The following GALNTL6 variants were observed in gnomAD, a reference collection of about 807,000 sequenced individuals.
The protein encoded by GALNTL6 is polypeptide N-acetylgalactosaminyltransferase like 6.
In GALNTL6, 46 loss-of-function variants were observed where a neutral mutation model predicts 73.7. That is an observed-to-expected ratio of 0.62 (90% confidence interval 0.49 to 0.80). The LOEUF is 0.80. Ranked by LOEUF, GALNTL6 falls within the 30% of genes least tolerant of loss-of-function variation. The pLI is 0.00. For missense variants in GALNTL6, 604 were observed against 755.0 expected (o/e 0.80, Z 2.34); for synonymous variants, 259 against 263.7 (o/e 0.98, Z 0.17).
chr4:172,122,710 C>A (rs1733185878), intron 2 of GALNTL6, among the ~76,000 whole-genome samples: 1 of 152,182 alleles, frequency 6.6e-6, no homozygotes, highest in African/African-American at 2.4e-5. Flanking sequence ...TCAGAAGAGC[C>A]CAGCCACAAG....
intron 2 of GALNTL6, among the ~76,000 whole-genome samples, chr4:172,213,226 T>A (rs1329930714): frequency 6.6e-6 from 1 of 152,204 alleles, no homozygotes; most frequent in Non-Finnish European, 1.5e-5. Context: ...TTGTGGGGAT[T>A]GTAAATAAAG....
chr4:172,005,920 A>G (rs9312515), intron 2 of GALNTL6, among the ~76,000 whole-genome samples: 29,021 of 152,140 alleles, frequency 0.19, 2,941 homozygotes, highest in Middle Eastern at 0.28. Context: ...CCTTTTCTTC[A>G]ATATTGTGAT....
chr4:171,844,652 G>C (rs1040585857), intron 2 of GALNTL6, among the ~76,000 whole-genome samples: 3 of 152,134 alleles, frequency 2.0e-5, no homozygotes, highest in Non-Finnish European at 4.4e-5. Context: ...ACTTGTGGGT[G>C]CTGGATACGG....
intron 2 of GALNTL6, among the ~76,000 whole-genome samples, chr4:171,971,508 A>G (rs1739568171): frequency 6.6e-6 from 1 of 152,188 alleles, no homozygotes; most frequent in South Asian, 2.1e-4. Context: ...TAAAAGTTAA[A>G]TAAATTATTC....
chr4:172,027,965 G>A (rs1337984004), intron 2 of GALNTL6, among the ~76,000 whole-genome samples: 2 of 152,096 alleles, frequency 1.3e-5, no homozygotes, highest in Non-Finnish European at 2.9e-5. Flanking sequence ...CTCCCTAACA[G>A]AAAAGTGCAA....
At chr4:171,915,377 T>C (rs946131921) in intron 2 of GALNTL6, among the ~76,000 whole-genome samples, 2 of 152,210 alleles carry the variant, frequency 1.3e-5, no homozygotes, top group African/African-American at 4.8e-5. Flanking sequence ...CTGACGATGA[T>C]GCTTCCTGTA....
intron 2 of GALNTL6, among the ~76,000 whole-genome samples, chr4:171,925,538 G>A (rs1737949955): frequency 6.6e-6 from 1 of 152,128 alleles, no homozygotes; most frequent in Non-Finnish European, 1.5e-5. Context: ...TTTCAGGCTT[G>A]TATACAGAAT....
intron 2 of GALNTL6, among the ~76,000 whole-genome samples, chr4:172,049,985 A>G (rs959745566): frequency 9.7e-6 from 1 of 103,430 alleles, no homozygotes; most frequent in African/African-American, 3.6e-5. Flanking sequence ...ACTCTGTCTA[A>G]AAAGAAAAAG....
At chr4:172,464,719 A>G (rs1435025399) in intron 5 of GALNTL6, among the ~76,000 whole-genome samples, 2 of 151,772 alleles carry the variant, frequency 1.3e-5, no homozygotes, top group Admixed American at 1.3e-4. Flanking sequence ...AAAAATAATA[A>G]TAATAATAAT....
rs116205860 is a variant in GALNTL6, at chr4:172,407,761, C to T, written c.553+59072C>T. The stretch of plus-strand genomic sequence containing the variant: ...CCATATACATCATTAAAACACATAC[C>T]GGTTTTTTGTCCTATGCAGAATTAG... On this transcript the variant is annotated intron_variant, in intron 5 of 12. Coordinates refer to ENST00000506823, the MANE Select transcript of GALNTL6 (RefSeq NM_001034845.3). 4.1e-3 allele frequency among the ~76,000 whole-genome samples: 624 copies of T among 152,014 alleles called. 2 individuals carry two copies. Among genetic ancestry groups the T allele is most frequent in the African/African-American group, 0.014 (589 of 41,510 alleles).
chr4:172,125,689 T>C (rs186549046), intron 2 of GALNTL6, among the ~76,000 whole-genome samples: 54 of 152,326 alleles, frequency 3.5e-4, no homozygotes, highest in African/African-American at 1.1e-3. Context: ...AACCAGTCAT[T>C]TGACTTTAGG....
intron 2 of GALNTL6, among the ~76,000 whole-genome samples, chr4:171,960,216 A>G (rs1241160438): frequency 6.6e-6 from 1 of 152,142 alleles, no homozygotes; most frequent in Non-Finnish European, 1.5e-5. Flanking sequence ...ATTAGAGTCA[A>G]ATTTTACCAA....
chr4:172,419,868 C>T (rs966525148), intron 5 of GALNTL6, among the ~76,000 whole-genome samples: 9 of 152,128 alleles, frequency 5.9e-5, no homozygotes, highest in African/African-American at 2.2e-4. Flanking sequence ...TTCATTGCCT[C>T]TGGCTTTTGT....
At position 172,159,129 on chromosome 4, in the gene GALNTL6, G is replaced by T. The variant is rs187537449; in HGVS notation, c.139-70527G>T. Among the ~76,000 whole-genome samples the T allele has an allele frequency of 2.0e-5, 3 of 152,240 alleles. No homozygotes were observed. In the South Asian group the frequency reaches 6.2e-4, roughly 32 times the overall value. ...AACTTTGTGGAAGCTAGATTAAGGC[G>T]CAACTCCAGGAAGACACAGTTTGCA... is the stretch of plus-strand genomic sequence containing the variant. On this transcript the variant is annotated intron_variant, in intron 2 of 12. Transcript: ENST00000506823.
chr4:172,006,298 C>G (rs995016389), intron 2 of GALNTL6, among the ~76,000 whole-genome samples: 2 of 152,098 alleles, frequency 1.3e-5, no homozygotes, highest in African/African-American at 4.8e-5. Context: ...GGCCATTCCT[C>G]TAAAGTGCTT....
chr4:172,856,113 C>T (rs1343188242), intron 7 of GALNTL6, among the ~76,000 whole-genome samples: 1 of 152,206 alleles, frequency 6.6e-6, no homozygotes, highest in East Asian at 1.9e-4. Flanking sequence ...CATTGTTATC[C>T]TCAATGATTT....
intron 2 of GALNTL6, among the ~76,000 whole-genome samples, chr4:172,065,120 T>A (rs780116461): frequency 3.3e-5 from 5 of 151,924 alleles, no homozygotes; most frequent in African/African-American, 4.8e-5. Context: ...CCAACCTTTT[T>A]GGCACAAGGG....
intron 3 of GALNTL6, among the ~76,000 whole-genome samples, chr4:172,297,592 G>A (rs953627278): frequency 1.3e-5 from 2 of 151,924 alleles, no homozygotes; most frequent in African/African-American, 4.8e-5. Context: ...AGTTTTCCCA[G>A]CACCATTAAA....
chr4:172,073,179 T>G (rs1347820919), intron 2 of GALNTL6, among the ~76,000 whole-genome samples: 1 of 152,168 alleles, frequency 6.6e-6, no homozygotes, highest in African/African-American at 2.4e-5. Flanking sequence ...CATCTTTTCA[T>G]AGAGAACTTT....
Sources: allele counts gnomAD v4.1 joint callset (sites outside exome capture counted in the v4.1 genomes callset), GRCh38; gene constraint gnomAD v4.1.1; transcripts MANE v1.5; gene names NCBI Gene and HGNC (gene_info 2026-07-23, HGNC 2026-07-21).